Variants in CCDC91 observed in about 807,000 individuals in gnomAD.
The protein encoded by CCDC91 is coiled-coil domain containing 91, also known as coiled-coil domain-containing protein 91.
A neutral mutation model predicts 63.2 loss-of-function variants in CCDC91; 48 were observed. That is an observed-to-expected ratio of 0.76 (90% CI 0.60 to 0.97). The LOEUF (loss-of-function observed/expected upper bound fraction) is 0.97. CCDC91 is among the 50% of genes least tolerant of loss of function. The probability of loss-of-function intolerance (pLI) is 0.00; values close to 1 mark genes in which losing one functional copy is unlikely to be tolerated. For synonymous variants in CCDC91, 167 were observed against 165.8 expected, an observed-to-expected ratio of 1.01 and a Z score of -0.06; for missense variants, 500 against 494.6, an observed-to-expected ratio of 1.01 and a Z score of -0.10.
chr12:28,517,269 T>G lies in CCDC91; in HGVS notation c.1216-31794T>G, dbSNP rs186765632. Among the ~76,000 whole-genome samples the G allele has an allele frequency of 3.9e-5, 6 of 152,068 alleles. No homozygotes were observed. In the East Asian group the frequency reaches 1.2e-3, roughly 30 times the overall value. ...GCAAGGCCTTAGTTATAGGCTGAAG[T>G]GCCAAAAGCTTGAACTGAAAACAAG... On this transcript the variant is annotated intron_variant, in intron 12 of 12. Coordinates refer to ENST00000536442, the MANE Select transcript of CCDC91 (RefSeq NM_018318.5).
At chr12:28,222,825 A>T (rs931726692) in intron 1 of CCDC91, among the ~76,000 whole-genome samples, 6 of 152,154 alleles carry the variant, frequency 3.9e-5, no homozygotes, top group African/African-American at 7.2e-5. Context: ...GATAGCTACA[A>T]CTGCACTTGG....
intron 3 of CCDC91, among the ~76,000 whole-genome samples, chr12:28,303,197 G>C (rs1938269051): frequency 6.6e-6 from 1 of 152,050 alleles, no homozygotes; most frequent in South Asian, 2.1e-4. Context: ...AACAGATCCA[G>C]TGGAGTTATG....
At chr12:28,405,597 A>G (rs1285000013) in intron 8 of CCDC91, among the ~76,000 whole-genome samples, 1 of 152,202 alleles carries the variant, frequency 6.6e-6, no homozygotes, top group Non-Finnish European at 1.5e-5. Context: ...ACAAGATGAT[A>G]CATAAATTAG....
chr12:28,215,068 A>T (rs1215267441), intron 1 of CCDC91, among the ~76,000 whole-genome samples: 2 of 152,184 alleles, frequency 1.3e-5, no homozygotes, highest in Non-Finnish European at 2.9e-5. Flanking sequence ...TCAATTGAAC[A>T]TGTGAGTAGA....
At chr12:28,435,317 T>C (rs1948847508) in intron 8 of CCDC91, among the ~76,000 whole-genome samples, 1 of 151,764 alleles carries the variant, frequency 6.6e-6, no homozygotes, top group African/African-American at 2.4e-5. Context: ...TTTTTTTCTT[T>C]TAGTTCAGAG....
intron 1 of CCDC91, among the ~76,000 whole-genome samples, chr12:28,226,961 G>A (rs1160064563): frequency 6.6e-6 from 1 of 152,110 alleles, no homozygotes; most frequent in South Asian, 2.1e-4. Context: ...CAGACATTTT[G>A]TAGGTTATTC....
intron 3 of CCDC91, among the ~76,000 whole-genome samples, chr12:28,289,840 C>T (rs1043100030): frequency 2.6e-5 from 4 of 151,678 alleles, no homozygotes; most frequent in East Asian, 1.9e-4. Flanking sequence ...TACAGATGCC[C>T]GCCACCACGC....
At chr12:28,201,026 A>G (rs1257128901) in intron 1 of CCDC91, among the ~76,000 whole-genome samples, 3 of 113,218 alleles carry the variant, frequency 2.6e-5, no homozygotes, top group East Asian at 2.8e-4. Flanking sequence ...TCCCTCCCGG[A>G]TGGGGCGGCT....
chr12:28,273,082 A>G (rs1175658592), intron 3 of CCDC91, among the ~76,000 whole-genome samples: 1 of 147,434 alleles, frequency 6.8e-6, no homozygotes, highest in African/African-American at 2.5e-5. Flanking sequence ...GAGTGAGAAC[A>G]TGCGGTGTTT....
chr12:28,539,408 G>T (rs1175068282), intron 12 of CCDC91, among the ~76,000 whole-genome samples: 2 of 152,132 alleles, frequency 1.3e-5, no homozygotes, highest in African/African-American at 4.8e-5. Flanking sequence ...TCAAAGATCA[G>T]ATAGTTGTAG....
chr12:28,229,214 C>T (rs1284002697), intron 1 of CCDC91, among the ~76,000 whole-genome samples: 13 of 150,202 alleles, frequency 8.7e-5, no homozygotes, highest in Non-Finnish European at 1.5e-4. Context: ...TTTTAAATGG[C>T]TTTACTCTTT....
chr12:28,317,454 A>C (rs1940013130), intron 6 of CCDC91, among the ~76,000 whole-genome samples: 1 of 151,974 alleles, frequency 6.6e-6, no homozygotes, highest in Non-Finnish European at 1.5e-5. Flanking sequence ...CATAGCAATA[A>C]AACTTGAAGG....
chr12:28,282,990 A>T (rs1333289564), intron 3 of CCDC91, among the ~76,000 whole-genome samples: 1 of 151,916 alleles, frequency 6.6e-6, no homozygotes, highest in Non-Finnish European at 1.5e-5. Context: ...TTATATTTTT[A>T]TCTGCTTTGT....
At position 28,202,127 on chromosome 12, in the gene CCDC91, C is replaced by T. The variant is rs1183815581; in HGVS notation, c.-15+11486C>T. Among the ~76,000 whole-genome samples, 7 of 140,332 alleles carry T rather than the reference C, an allele frequency of 5.0e-5. No homozygotes were observed. The East Asian group carries it at 1.2e-3, about 23-fold the overall frequency. 92.1% of individuals were successfully genotyped at this position (140,332 alleles called of 152,430 possible). On this transcript the variant is annotated intron_variant, in intron 1 of 12. Coordinates refer to ENST00000536442, the MANE Select transcript of CCDC91 (RefSeq NM_018318.5). Reference sequence around the variant, plus strand: ...CTTTATTTTGTAATCTCTATCTCTTCATTAATAATCTCTATTTGGTGAGAT... The same window carrying T: ...CTTTATTTTGTAATCTCTATCTCTTTATTAATAATCTCTATTTGGTGAGAT...
intron 3 of CCDC91, among the ~76,000 whole-genome samples, chr12:28,264,149 C>T (rs928387530): frequency 2.0e-5 from 3 of 151,666 alleles, no homozygotes; most frequent in African/African-American, 7.3e-5. Context: ...TGCTGTATGC[C>T]AGTAGGTAAC....
intron 12 of CCDC91, among the ~76,000 whole-genome samples, chr12:28,491,858 A>ATT: frequency 1.1e-5 from 1 of 88,374 alleles, no homozygotes. Flanking sequence ...GAAGTCAAAA[A>ATT]TTTTGTGTGT....
rs144783483 is a variant in CCDC91 at position 28,501,256 on chromosome 12, G to A, written c.1215+17091G>A. Among the ~76,000 whole-genome samples the A allele has an allele frequency of 1.1e-3, 169 of 152,024 alleles. 2 individuals carry two copies. The highest frequency in any genetic ancestry group is 3.9e-3 in the African/African-American group (163 of 41,514). On this transcript the variant is annotated intron_variant, in intron 12 of 12. Coordinates refer to ENST00000536442, the MANE Select transcript of CCDC91 (RefSeq NM_018318.5). Reference sequence around the variant, plus strand: ...TTCCAACACTATGTTGAACAGGAGTGGTGAGAGAGGGCATCCATGTCTTGT... The same window carrying A: ...TTCCAACACTATGTTGAACAGGAGTAGTGAGAGAGGGCATCCATGTCTTGT...
intron 12 of CCDC91, among the ~76,000 whole-genome samples, chr12:28,493,569 C>G (rs1016837084): frequency 1.3e-5 from 2 of 151,612 alleles, no homozygotes; most frequent in African/African-American, 4.8e-5. Flanking sequence ...TATGCCCCAA[C>G]ATGTAAGGAT....
chr12:28,452,464 T>C lies in CCDC91; in HGVS notation c.925-14T>C, dbSNP rs1949854837. 6.6e-7 allele frequency: 1 copy of C among 1,516,760 alleles called. No homozygotes were observed. Among genetic ancestry groups the C allele is most frequent in the Non-Finnish European group, 9.0e-7 (1 of 1,117,196 alleles). 94.0% of individuals were successfully genotyped at this position (1,516,760 alleles called of 1,614,324 possible). A position where few individuals can be genotyped will look rare whatever the true frequency, so the allele number is the denominator to read the frequency against. Reference sequence around the variant, plus strand: ...AGTCTTTCAAATTTGTTCTGGTCTTTATTTATTTTGAAGCTTGAAAAAGAA... The same window carrying C: ...AGTCTTTCAAATTTGTTCTGGTCTTCATTTATTTTGAAGCTTGAAAAAGAA... On this transcript the variant is annotated splice_polypyrimidine_tract_variant and intron_variant, in intron 10 of 12. Transcript: ENST00000536442.
Sources: allele counts gnomAD v4.1 joint callset (sites outside exome capture counted in the v4.1 genomes callset), GRCh38; gene constraint gnomAD v4.1.1; transcripts MANE v1.5; gene names NCBI Gene and HGNC (gene_info 2026-07-23, HGNC 2026-07-21).